Variants in ADGRE2 observed in about 807,000 individuals in gnomAD.
The protein encoded by ADGRE2 is CD97 antigen.
Under a neutral mutation model 100.8 loss-of-function variants are expected in ADGRE2, and 83 were observed. That is an observed-to-expected ratio of 0.82 (90% confidence interval 0.69 to 0.99). ADGRE2 has a LOEUF of 0.99. Among genes scored for constraint, ADGRE2 ranks in the 50% least tolerant of loss-of-function variants. The pLI is 0.00. For synonymous variants in ADGRE2, 355 were observed against 413.0 expected, an observed-to-expected ratio of 0.86 and a Z score of 1.70; for missense variants, 814 against 1,035.7, an observed-to-expected ratio of 0.79 and a Z score of 2.94.
intron 11 of ADGRE2, among the ~76,000 whole-genome samples, chr19:14,761,198 T>C (rs2043708116): frequency 6.6e-6 from 1 of 152,158 alleles, no homozygotes; most frequent in African/African-American, 2.4e-5. Context: ...GGTCAGGACA[T>C]CAAGACCATC....
chr19:14,746,168 C>T, intron 18 of ADGRE2, 64 bp downstream of exon 18: 1 of 970,450 alleles, frequency 1.0e-6, no homozygotes, highest in Non-Finnish European at 1.6e-6. Flanking sequence ...GCTGCTGAGG[C>T]ACATGGCTTG....
chr19:14,742,832 G>A (rs539820861), intron 20 of ADGRE2, among the ~76,000 whole-genome samples: 122 of 152,246 alleles, frequency 8.0e-4, no homozygotes, highest in Middle Eastern at 3.4e-3. Flanking sequence ...TGCTCATTTA[G>A]TTAACCATGC....
intron 16 of ADGRE2, among the ~76,000 whole-genome samples, chr19:14,747,238 A>G (rs1251842361): frequency 6.6e-6 from 1 of 152,172 alleles, no homozygotes; most frequent in East Asian, 1.9e-4. Flanking sequence ...TGCCAGGCAC[A>G]GTGGCTCACA....
At chr19:14,769,905 A>G (rs1198465783) in intron 5 of ADGRE2, among the ~76,000 whole-genome samples, 1 of 152,002 alleles carries the variant, frequency 6.6e-6, no homozygotes, top group Non-Finnish European at 1.5e-5. Flanking sequence ...TCACCATGTT[A>G]GCCAGGATGG....
At chr19:14,756,181 T>G in intron 12 of ADGRE2, 57 bp downstream of exon 12, 6 of 1,260,246 alleles carry the variant, frequency 4.8e-6, no homozygotes, top group Non-Finnish European at 5.8e-6. Flanking sequence ...TTCACATTCT[T>G]GGGCATCTTT....
downstream of ADGRE2, among the ~76,000 whole-genome samples, chr19:14,728,219 A>G (rs1244155214): frequency 6.6e-6 from 1 of 152,242 alleles, no homozygotes; most frequent in African/African-American, 2.4e-5. Context: ...TCTCAAAAAA[A>G]AATTTTTTTT....
Position 14,733,069 on chromosome 19 carries a change from T to C in ADGRE2, c.*3167A>G, listed in dbSNP as rs1425702916. 6.6e-6 allele frequency: 1 copy of C among 152,232 alleles called. No homozygotes were observed. The allele number at this position is 152,232 out of a possible 1,614,324, so 9.4% of individuals were successfully genotyped here. A position where few individuals can be genotyped will look rare whatever the true frequency, so the allele number is the denominator to read the frequency against. On this transcript the variant is annotated 3_prime_UTR_variant, in exon 21 of 21. Coordinates refer to ENST00000315576, the MANE Select transcript of ADGRE2 (RefSeq NM_013447.4). ...CCTCAAGCAGCAGCTGACTCTGATA[T>C]TCCCCATCTCACCTTAGCAGTCTAT...
the ADGRE2 span, among the ~76,000 whole-genome samples, chr19:14,726,884 AG>A: frequency 6.6e-6 from 1 of 152,082 alleles, no homozygotes; most frequent in Non-Finnish European, 1.5e-5. Flanking sequence ...CTTCCTTCTG[AG>A]CCCTCCAAAC....
chr19:14,773,966 G>T lies in ADGRE2; in HGVS notation c.171C>A (p.Ile57=). Residue 57 remains isoleucine, a synonymous_variant, in exon 4 of 21, where the codon ATC becomes ATA. Coordinates refer to ENST00000315576, the MANE Select transcript of ADGRE2 (RefSeq NM_013447.4). ...CNPGFSSFSE[I]ITTPMETCDD... is the part of the protein sequence containing the mutation. ...CACAAGTCTCCATGGGGGTGGTGAT[G>T]ATCTCAGAAAAAGAGCTGAACCCTG... The T allele has an allele frequency of 3.7e-6, 6 of 1,614,076 alleles. No homozygotes were observed. The highest frequency in any genetic ancestry group is 5.1e-6 in the Non-Finnish European group (6 of 1,180,004).
At chr19:14,763,473 T>C (rs537885458) in intron 11 of ADGRE2, among the ~76,000 whole-genome samples, 8 of 152,180 alleles carry the variant, frequency 5.3e-5, no homozygotes, top group South Asian at 2.1e-4. Flanking sequence ...TGATTTCTAT[T>C]TTGTTATTTT....
At position 14,743,499 on chromosome 19, in the gene ADGRE2, C is replaced by T. The variant is rs1161639500; in HGVS notation, c.2384G>A (p.Gly795Glu). The change falls in exon 20 of 21, where the codon GGG becomes GAG. Residue 795 changes from glycine (G) to glutamate (E), a missense_variant. Coordinates refer to ENST00000315576, the MANE Select transcript of ADGRE2 (RefSeq NM_013447.4). The part of the protein sequence containing the change: ...VREQYGKWSK[G>E]IRKLKTESEM... ...AGACTCAGTTTTCAATTTCCTGATCCCTTTGGACCATTTCCCATATTGCTC... is the reference window on the plus strand; with the variant it reads ...AGACTCAGTTTTCAATTTCCTGATCTCTTTGGACCATTTCCCATATTGCTC... The T allele has an allele frequency of 6.2e-7, 1 of 1,613,934 alleles. No homozygotes were observed. Among genetic ancestry groups the T allele is most frequent in the Non-Finnish European group, 8.5e-7 (1 of 1,179,960 alleles).
intron 5 of ADGRE2, 136 bp downstream of exon 5, chr19:14,772,206 A>G (rs1326847703): frequency 3.9e-6 from 5 of 1,277,594 alleles, no homozygotes; most frequent in Non-Finnish European, 5.6e-6. Context: ...AAACAGGTAC[A>G]TGCACACCTG....
In ADGRE2 at chr19:14,746,289, A is replaced by G; in HGVS notation, c.2126T>C (p.Ile709Thr). 1 of 1,610,970 alleles carries G rather than the reference A, an allele frequency of 6.2e-7. No individual in the cohort carries two copies. Among genetic ancestry groups the G allele is most frequent in the Non-Finnish European group, 8.5e-7 (1 of 1,177,370 alleles). ...GAGGGAGGAGAGTCTGTTTTTCAAA[A>G]TCCAGAGAGTCACCAGAAAGAGAAC... ...NLVLFLVTLWILKNRLSSLNS... is the reference protein window; with the variant it reads ...NLVLFLVTLWTLKNRLSSLNS... Residue 709 changes from isoleucine (I) to threonine (T), a missense_variant, in exon 18 of 21, where the codon ATT (isoleucine) becomes ACT (threonine). Physicochemically the swap from Ile to Thr is moderately conservative, Grantham distance 89. Transcript: ENST00000315576.
Position 14,755,742 on chromosome 19 carries a change from A to T in ADGRE2, c.1328T>A (p.Ile443Asn). Residue 443 changes from isoleucine (I) to asparagine (N), a missense_variant, in exon 13 of 21, where the codon ATC becomes AAC. Around this residue, in one of 5 missense-constraint regions of ADGRE2, gnomAD observed 569 missense variants for 692.7 expected, o/e 0.82. Coordinates refer to ENST00000315576, the MANE Select transcript of ADGRE2 (RefSeq NM_013447.4). ...GGCAGAGATCACATCTGAGAGCAGG[A>T]TGGGGGAGCCGTCCTGCAGCAAGCC... is the stretch of plus-strand genomic sequence containing the variant. ...HQGLLQDGSP[I>N]LLSDVISAFL... is the part of the protein sequence containing the mutation. The T allele has an allele frequency of 6.2e-7, 1 of 1,614,168 alleles. No individual in the cohort carries two copies. Among genetic ancestry groups the T allele is most frequent in the Non-Finnish European group, 8.5e-7 (1 of 1,180,018 alleles).
chr19:14,764,738 G>T, intron 10 of ADGRE2, 128 bp from the exon 11 acceptor site: 2 of 1,016,710 alleles, frequency 2.0e-6, no homozygotes, highest in Non-Finnish European at 2.8e-6. Context: ...GGCATTGGCG[G>T]CTGGGCGCGG....
At chr19:14,746,347 G>T (rs2043087194) in intron 17 of ADGRE2, 24 bp from the exon 18 acceptor site, 34 of 1,261,380 alleles carry the variant, frequency 2.7e-5, no homozygotes, top group Non-Finnish European at 3.3e-5. Context: ...CAGAAGATTT[G>T]TTGAATAGAT....
At chr19:14,750,172 T>C (rs189264739) in intron 16 of ADGRE2, among the ~76,000 whole-genome samples, 1,528 of 122,110 alleles carry the variant, frequency 0.013, 26 homozygotes, top group East Asian at 0.082. Context: ...TATAGCTATG[T>C]TATATAATTA....
chr19:14,728,212 C>CA (rs547568498), downstream of ADGRE2, among the ~76,000 whole-genome samples: 7 of 151,394 alleles, frequency 4.6e-5, no homozygotes, highest in Non-Finnish European at 7.4e-5. Context: ...GACTCCGTCT[C>CA]AAAAAAAAAT....
At chr19:14,774,988 T>A (rs57712673) in intron 2 of ADGRE2, among the ~76,000 whole-genome samples, 45,680 of 147,450 alleles carry the variant, frequency 0.31, 7,480 homozygotes, top group Non-Finnish European at 0.39. Flanking sequence ...AATTTTAAAA[T>A]GATTTATTTA....
Sources: allele counts gnomAD v4.1 joint callset (sites outside exome capture counted in the v4.1 genomes callset), GRCh38; gene constraint gnomAD v4.1.1; regional missense constraint gnomAD v4.1.1; transcripts MANE v1.5; gene names NCBI Gene and HGNC (gene_info 2026-07-23, HGNC 2026-07-21).